The following CECR2 variants were observed in gnomAD, a reference collection of about 807,000 sequenced individuals.
CECR2 encodes chromatin remodeling regulator CECR2.
In CECR2, 30 loss-of-function variants were observed where a neutral mutation model predicts 154.5. The observed-to-expected ratio is 0.19, with a 90% CI of 0.15 to 0.26. CECR2 has a LOEUF of 0.26. CECR2 is among the 10% of genes least tolerant of loss of function. The probability of loss-of-function intolerance (pLI) is 1.00; values close to 1 mark genes in which losing one functional copy is unlikely to be tolerated. For synonymous variants in CECR2, 725 were observed against 683.7 expected (o/e 1.06, Z -0.94); for missense variants, 1,743 against 1,829.3 (o/e 0.95, Z 0.86).
rs1478685535 is a variant in CECR2 at position 17,523,209 on chromosome 22, C to T, written c.955-909C>T. Among the ~76,000 whole-genome samples, 5 of 151,786 alleles carry T rather than the reference C, an allele frequency of 3.3e-5. No individual in the cohort carries two copies. The South Asian group carries it at 6.3e-4, about 19-fold the overall frequency. On this transcript the variant is annotated intron_variant, in intron 8 of 18. Transcript: ENST00000262608. ...ACCAGCCTGGCCAACATGGCGAAAC[C>T]CCATCTCTATTAAAAATACAAAAAT...
intron 1 of CECR2, among the ~76,000 whole-genome samples, chr22:17,389,654 G>GTC: frequency 6.6e-6 from 1 of 152,066 alleles, no homozygotes; most frequent in Non-Finnish European, 1.5e-5. Context: ...TTGAGATGGA[G>GTC]TCTCACTCTG....
Position 17,505,831 on chromosome 22 carries a change from C to G in CECR2, c.870+815C>G, listed in dbSNP as rs1457726568. ...GGATTACAGGTGTGAGCCACTGCAC[C>G]CGGCTTTTTTTTTTTTTTTTTTTTT... On this transcript the variant is annotated intron_variant, in intron 7 of 18. Coordinates refer to ENST00000262608, the MANE Select transcript of CECR2 (RefSeq NM_001290047.2). Among the ~76,000 whole-genome samples the G allele has an allele frequency of 2.2e-5, 3 of 136,902 alleles. No individual in the cohort carries two copies. The East Asian group carries it at 7.0e-4, about 32-fold the overall frequency. The allele number at this position is 136,902 out of a possible 152,430, so 89.8% of individuals were successfully genotyped here.
intron 1 of CECR2, among the ~76,000 whole-genome samples, chr22:17,385,797 G>A (rs1290717034): frequency 2.0e-5 from 3 of 152,198 alleles, no homozygotes; most frequent in South Asian, 2.1e-4. Flanking sequence ...GGGAAACACA[G>A]TACAACGAGG....
chr22:17,412,175 G>A (rs1323953961), intron 1 of CECR2, among the ~76,000 whole-genome samples: 1 of 152,124 alleles, frequency 6.6e-6, no homozygotes, highest in African/African-American at 2.4e-5. Flanking sequence ...TCTTCTGCAT[G>A]TCAAATAAAC....
chr22:17,420,644 T>C (rs1479551415), intron 1 of CECR2, among the ~76,000 whole-genome samples: 1 of 152,212 alleles, frequency 6.6e-6, no homozygotes, highest in Non-Finnish European at 1.5e-5. Context: ...TTGTGTTGTT[T>C]TCATTATTGA....
At position 17,500,714 on chromosome 22, in the gene CECR2, T is replaced by C; in HGVS notation, c.629T>C (p.Leu210Pro). Residue 210 changes from leucine (L) to proline (P), a missense_variant, in exon 5 of 19, where the codon CTG becomes CCG. Leu to Pro is a moderately conservative substitution (Grantham distance 98). Coordinates refer to ENST00000262608, the MANE Select transcript of CECR2 (RefSeq NM_001290047.2). ...RRGRPPKRKK[L>P]QEEILLSEKQ... ...GGAAGACCCCCAAAACGGAAGAAAC[T>C]GCAGGAGGAGATTCTGTTGAGGTAA... 1 of 1,554,384 alleles carries C rather than the reference T, an allele frequency of 6.4e-7. No homozygotes were observed. The highest frequency in any genetic ancestry group is 8.7e-7 in the Non-Finnish European group (1 of 1,148,888).
chr22:17,518,924 G>T, intron 8 of CECR2: 1 of 235,252 alleles, frequency 4.3e-6, no homozygotes, highest in South Asian at 7.1e-5. Flanking sequence ...ATGGGGGAAT[G>T]AGAACTGCCA....
At position 17,524,139 on chromosome 22, in the gene CECR2, A is replaced by G. The variant is rs964732053; in HGVS notation, c.976A>G (p.Ile326Val). ...ACAGGAGACTCCTGTGCTGACCAGAATAGAAAAACAAAAGCGCAAAGAGGA... is the reference window on the plus strand; with the variant it reads ...ACAGGAGACTCCTGTGCTGACCAGAGTAGAAAAACAAAAGCGCAAAGAGGA... ...KQEETPVLTR[I>V]EKQKRKEEEE... Residue 326 changes from isoleucine (I) to valine (V), a missense_variant, in exon 9 of 19, where the codon ATA becomes GTA. Physicochemically the swap from Ile to Val is conservative, Grantham distance 29 (BLOSUM62 3). Coordinates refer to ENST00000262608, the MANE Select transcript of CECR2 (RefSeq NM_001290047.2). 1.6e-5 allele frequency: 25 copies of G among 1,595,284 alleles called. No homozygotes were observed. Among genetic ancestry groups the G allele is most frequent in the Non-Finnish European group, 2.1e-5 (25 of 1,171,128 alleles).
intron 1 of CECR2, among the ~76,000 whole-genome samples, chr22:17,474,609 C>T (rs907580107): frequency 4.6e-5 from 7 of 152,226 alleles, no homozygotes; most frequent in South Asian, 2.1e-4. Context: ...AGAACCTAGG[C>T]AGCGCTGGTG....
intron 2 of CECR2, 139 bp downstream of exon 2, chr22:17,477,821 TA>T: frequency 1.6e-6 from 1 of 641,202 alleles, no homozygotes; most frequent in South Asian, 1.9e-5. Context: ...GACGTACACG[TA>T]AATTTCCAGG....
At chr22:17,410,748 A>T (rs1251238326) in intron 1 of CECR2, among the ~76,000 whole-genome samples, 1 of 152,210 alleles carries the variant, frequency 6.6e-6, no homozygotes, top group Non-Finnish European at 1.5e-5. Flanking sequence ...GCCTGGCCAA[A>T]ACAAGCTTTA....
chr22:17,527,109 C>T (rs1035489960), intron 9 of CECR2, among the ~76,000 whole-genome samples: 5 of 152,102 alleles, frequency 3.3e-5, no homozygotes, highest in African/African-American at 1.2e-4. Context: ...GTCTAATAAT[C>T]GGATATTAAA....
chr22:17,399,172 G>GT (rs1001545925), intron 1 of CECR2, among the ~76,000 whole-genome samples: 4 of 152,284 alleles, frequency 2.6e-5, no homozygotes, highest in African/African-American at 9.6e-5. Context: ...CTCATTAATG[G>GT]TATAGTAAAA....
intron 8 of CECR2, among the ~76,000 whole-genome samples, chr22:17,515,023 A>G (rs946154915): frequency 7.0e-6 from 1 of 142,492 alleles, no homozygotes; most frequent in Non-Finnish European, 1.5e-5. Context: ...ACTCCGTCTC[A>G]AAAAAAAAAA....
chr22:17,514,973 A>G (rs1260190699), intron 8 of CECR2, among the ~76,000 whole-genome samples: 1 of 151,748 alleles, frequency 6.6e-6, no homozygotes, highest in Non-Finnish European at 1.5e-5. Flanking sequence ...CAGTGAGCCA[A>G]GATCGCACCA....
intron 1 of CECR2, among the ~76,000 whole-genome samples, chr22:17,471,106 C>T (rs553911723): frequency 2.0e-4 from 30 of 152,286 alleles, no homozygotes; most frequent in African/African-American, 6.7e-4. Context: ...AAACAACAAG[C>T]AACAGCAATA....
chr22:17,478,985 C>T (rs893010399), intron 2 of CECR2, among the ~76,000 whole-genome samples: 1 of 152,016 alleles, frequency 6.6e-6, no homozygotes, highest in African/African-American at 2.4e-5. Context: ...TGTTTAATTC[C>T]ACATTTTCAT....
chr22:17,464,945 T>C (rs2055003234), intron 1 of CECR2, among the ~76,000 whole-genome samples: 1 of 152,354 alleles, frequency 6.6e-6, no homozygotes, highest in African/African-American at 2.4e-5. Flanking sequence ...CAGTTGGGTA[T>C]TTGACCTATA....
intron 1 of CECR2, among the ~76,000 whole-genome samples, chr22:17,388,579 G>A (rs2063291695): frequency 6.6e-6 from 1 of 152,160 alleles, no homozygotes; most frequent in South Asian, 2.1e-4. Context: ...AGAGTATATG[G>A]GAAGGTGGGT....
Sources: gnomAD v4.1 joint callset for allele counts (sites outside exome capture counted in the v4.1 genomes callset) on GRCh38, gnomAD v4.1.1 for gene constraint, MANE v1.5 for transcripts, NCBI Gene and HGNC (gene_info 2026-07-23, HGNC 2026-07-21) for gene names.